The following RYR2 variants were observed in gnomAD, a reference collection of about 807,000 sequenced individuals.
RYR2 encodes the protein cardiac muscle ryanodine receptor-calcium release channel.
RYR2 carries 227 observed loss-of-function variants against 601.1 expected under a neutral mutation model. That is an observed-to-expected ratio of 0.38 (90% CI 0.34 to 0.42). RYR2 has a LOEUF of 0.42. Among genes scored for constraint, RYR2 ranks in the 10% least tolerant of loss-of-function variants. RYR2 has a pLI of 1.00. For missense variants in RYR2, 4,646 were observed against 6,156.5 expected (o/e 0.75, Z 8.21); for synonymous variants, 2,223 against 2,175.1 (o/e 1.02, Z -0.61).
intron 1 of RYR2, among the ~76,000 whole-genome samples, chr1:237,215,347 A>G (rs1303196914): frequency 6.6e-6 from 1 of 152,196 alleles, no homozygotes; most frequent in Non-Finnish European, 1.5e-5. Context: ...AACACTATAT[A>G]CAGGGTTCAG....
chr1:237,601,616 A>G (rs556423770), intron 34 of RYR2, among the ~76,000 whole-genome samples: 3 of 152,168 alleles, frequency 2.0e-5, no homozygotes, highest in African/African-American at 2.4e-5. Flanking sequence ...GAAATGAAAA[A>G]TGTTCAAAGT....
At chr1:237,221,878 T>C (rs778357257) in intron 1 of RYR2, among the ~76,000 whole-genome samples, 2 of 152,196 alleles carry the variant, frequency 1.3e-5, no homozygotes, top group East Asian at 1.9e-4. Flanking sequence ...TTTCCATTTT[T>C]GTAAATGACA....
intron 8 of RYR2, among the ~76,000 whole-genome samples, chr1:237,381,708 T>C (rs1701534839): frequency 2.0e-5 from 3 of 152,216 alleles, no homozygotes; most frequent in African/African-American, 4.8e-5. Context: ...GAGGATACTG[T>C]GGACAGCACC....
At chr1:237,228,636 A>C (rs1388872479) in intron 1 of RYR2, among the ~76,000 whole-genome samples, 1 of 152,150 alleles carries the variant, frequency 6.6e-6, no homozygotes, top group Non-Finnish European at 1.5e-5. Flanking sequence ...AAGAACATGA[A>C]CTCTGAGGTT....
At chr1:237,828,839 CTAG>C (rs371384315) in intron 102 of RYR2, among the ~76,000 whole-genome samples, 7 of 152,062 alleles carry the variant, frequency 4.6e-5, no homozygotes, top group African/African-American at 1.2e-4. Flanking sequence ...AGGGAATTTC[CTAG>C]AAGAAGGGAT....
chr1:237,547,611 G>T (rs1669961818), intron 25 of RYR2, among the ~76,000 whole-genome samples: 1 of 152,164 alleles, frequency 6.6e-6, no homozygotes, highest in Non-Finnish European at 1.5e-5. Context: ...AATAGGCTTT[G>T]TGCCAATCTC....
At chr1:237,144,366 C>G (rs897848478) in intron 1 of RYR2, among the ~76,000 whole-genome samples, 3 of 152,112 alleles carry the variant, frequency 2.0e-5, no homozygotes, top group Non-Finnish European at 2.9e-5. Context: ...TAACTCATTC[C>G]TATCTTTATG....
At position 237,106,196 on chromosome 1, in the gene RYR2, T is replaced by G. The variant is rs1228057263; in HGVS notation, c.48+63627T>G. 3.9e-5 allele frequency among the ~76,000 whole-genome samples: 6 copies of G among 152,250 alleles called. No homozygotes were observed. In the East Asian group the frequency reaches 9.7e-4, roughly 25 times the overall value. ...AGGGGTAGCTCGTTCTGATTTTCAT[T>G]CTGAAAAGACCCGTCTGGCCACTGT... On this transcript the variant is annotated intron_variant, in intron 1 of 104. Coordinates refer to ENST00000366574, the MANE Select transcript of RYR2 (RefSeq NM_001035.3). The surrounding 1 kb of genome is among the most constrained non-coding windows in gnomAD (Gnocchi z 4.4).
At chr1:237,337,863 T>C (rs1697399021) in intron 3 of RYR2, among the ~76,000 whole-genome samples, 2 of 152,200 alleles carry the variant, frequency 1.3e-5, no homozygotes, top group South Asian at 4.1e-4. Context: ...AAGTTACCGC[T>C]AAGTTGGTGG....
chr1:237,305,048 C>A (rs1249764441), intron 2 of RYR2, among the ~76,000 whole-genome samples: 2 of 152,192 alleles, frequency 1.3e-5, no homozygotes, highest in African/African-American at 2.4e-5. Context: ...GAGGAACTTT[C>A]ACTCACTCCT....
At chr1:237,402,894 G>GTA (rs1380242286) in intron 10 of RYR2, among the ~76,000 whole-genome samples, 9 of 11,048 alleles carry the variant, frequency 8.1e-4, no homozygotes, top group South Asian at 8.2e-3. Flanking sequence ...CCATCCCCCT[G>GTA]CTTCAGCCTC....
intron 79 of RYR2, among the ~76,000 whole-genome samples, chr1:237,739,919 G>A (rs561135892): frequency 2.0e-5 from 3 of 152,282 alleles, no homozygotes; most frequent in African/African-American, 4.8e-5. Flanking sequence ...GAATTCTGTT[G>A]TGGATACCTG....
chr1:237,499,416 T>C (rs538322184), intron 20 of RYR2, among the ~76,000 whole-genome samples: 7 of 152,148 alleles, frequency 4.6e-5, no homozygotes, highest in Non-Finnish European at 1.0e-4. Flanking sequence ...TGGGTACAGG[T>C]TTCTAATAGA....
chr1:237,287,723 T>C (rs1691715841), intron 2 of RYR2, among the ~76,000 whole-genome samples: 1 of 152,230 alleles, frequency 6.6e-6, no homozygotes, highest in Non-Finnish European at 1.5e-5. Context: ...TCTTGTATCA[T>C]TTTTTGTATT....
At chr1:237,765,431 A>T (rs1042172194) in intron 84 of RYR2, among the ~76,000 whole-genome samples, 1 of 152,176 alleles carries the variant, frequency 6.6e-6, no homozygotes, top group Non-Finnish European at 1.5e-5. Context: ...TCACTACAAC[A>T]TTAACTACCA....
chr1:237,295,484 TAAAATATGTTACTC>T, intron 2 of RYR2, among the ~76,000 whole-genome samples: 1 of 152,270 alleles, frequency 6.6e-6, no homozygotes, highest in East Asian at 1.9e-4. Context: ...TGGAGTAACA[TAAAATATGTTACTC>T]AAGACAACTT....
chr1:237,616,675 A>C (rs1456151331), intron 37 of RYR2, among the ~76,000 whole-genome samples: 1 of 152,078 alleles, frequency 6.6e-6, no homozygotes, highest in East Asian at 1.9e-4. Context: ...TTCATTGGCC[A>C]TTGCACCTGT....
chr1:237,109,456 G>C (rs12128519), intron 1 of RYR2, among the ~76,000 whole-genome samples: 2 of 151,804 alleles, frequency 1.3e-5, no homozygotes, highest in Admixed American at 6.6e-5. Context: ...TTAGCTGTCT[G>C]TTTTGGAAAA....
At chr1:237,517,329 T>G (rs1666644858) in intron 24 of RYR2, among the ~76,000 whole-genome samples, 1 of 152,208 alleles carries the variant, frequency 6.6e-6, no homozygotes. Flanking sequence ...TGATAGTGTG[T>G]TTATAACTCA....
Sources: gnomAD v4.1 joint callset for allele counts (sites outside exome capture counted in the v4.1 genomes callset) on GRCh38, gnomAD v4.1.1 for gene constraint, Gnocchi (gnomAD v3.1) non-coding constraint, MANE v1.5 for transcripts, NCBI Gene and HGNC (gene_info 2026-07-23, HGNC 2026-07-21) for gene names.